Variants in RAB31 observed in about 807,000 individuals in gnomAD.
RAB31 encodes RAB31, member RAS oncogene family, also known as ras-related protein Rab-31.
In RAB31, 21 loss-of-function variants were observed where a neutral mutation model predicts 25.6. That is an observed-to-expected ratio of 0.82 (90% confidence interval 0.58 to 1.18). The LOEUF (loss-of-function observed/expected upper bound fraction) is 1.18, where lower values mean the gene tolerates loss of function less well. Among genes scored for constraint, RAB31 ranks in the 50% most tolerant of loss-of-function variants. The probability of loss-of-function intolerance (pLI) is 0.00; values close to 1 mark genes in which losing one functional copy is unlikely to be tolerated. For missense variants in RAB31, 196 were observed against 250.1 expected (o/e 0.78, Z 1.46); for synonymous variants, 87 against 84.0 (o/e 1.04, Z -0.20).
rs1467734741 is a variant in RAB31, at chr18:9,809,257, A to T, written c.202-4763A>T. Among the ~76,000 whole-genome samples the T allele has an allele frequency of 2.0e-5, 3 of 152,230 alleles. No individual in the cohort carries two copies. In the East Asian group the frequency reaches 5.8e-4, roughly 29 times the overall value. On this transcript the variant is annotated intron_variant, in intron 3 of 6. Transcript: ENST00000578921. ...CACTGCACCAGTTTCACAAAATAAG[A>T]AAAGTAGGATAGAGCCAAGCCAAGC... is the stretch of plus-strand genomic sequence containing the variant.
intron 3 of RAB31, among the ~76,000 whole-genome samples, chr18:9,808,719 G>A (rs1302636938): frequency 5.9e-5 from 9 of 152,212 alleles, no homozygotes; most frequent in African/African-American, 1.4e-4. Flanking sequence ...CGCCCAGGCC[G>A]AGCCTGAGCG....
At chr18:9,710,687 T>C (rs1156361127) in intron 1 of RAB31, among the ~76,000 whole-genome samples, 1 of 152,048 alleles carries the variant, frequency 6.6e-6, no homozygotes, top group Non-Finnish European at 1.5e-5. Context: ...ACCCCGTCTC[T>C]ATTAAAAATA....
chr18:9,727,684 C>G (rs1372540551), intron 1 of RAB31, among the ~76,000 whole-genome samples: 1 of 152,172 alleles, frequency 6.6e-6, no homozygotes, highest in Non-Finnish European at 1.5e-5. Flanking sequence ...AAACAGTTCT[C>G]TCAAATATTA....
At chr18:9,838,110 A>G (rs2068714308) in intron 5 of RAB31, among the ~76,000 whole-genome samples, 1 of 152,210 alleles carries the variant, frequency 6.6e-6, no homozygotes, top group Non-Finnish European at 1.5e-5. Flanking sequence ...GCACTTTATA[A>G]TATCAACCTC....
At chr18:9,840,101 G>C (rs1053126546) in intron 5 of RAB31, among the ~76,000 whole-genome samples, 1 of 152,194 alleles carries the variant, frequency 6.6e-6, no homozygotes, top group African/African-American at 2.4e-5. Flanking sequence ...TGCTGACATT[G>C]ATGGGCCACG....
chr18:9,824,751 G>A (rs1187479058), intron 5 of RAB31, among the ~76,000 whole-genome samples: 1 of 152,192 alleles, frequency 6.6e-6, no homozygotes, highest in Admixed American at 6.5e-5. Flanking sequence ...GTACACTCAG[G>A]ATTTTTAGCT....
At chr18:9,733,338 A>G (rs2068132959) in intron 1 of RAB31, among the ~76,000 whole-genome samples, 1 of 152,132 alleles carries the variant, frequency 6.6e-6, no homozygotes. Flanking sequence ...GAACCATCCG[A>G]CGTGTGCAGA....
intron 1 of RAB31, among the ~76,000 whole-genome samples, chr18:9,711,192 T>C (rs1399301988): frequency 1.3e-5 from 2 of 152,022 alleles, no homozygotes; most frequent in Non-Finnish European, 2.9e-5. Context: ...CTCTCTCCTC[T>C]TTTTTGTTTT....
In RAB31 at chr18:9,849,356, G is replaced by A. The variant is rs543585840; in HGVS notation, c.490+3665G>A. ...TAATAAATGGAATGGTGCTGAATTC[G>A]GGGCTTTGAATTTGGATCTCCGTCC... On this transcript the variant is annotated intron_variant, in intron 6 of 6. Coordinates refer to ENST00000578921, the MANE Select transcript of RAB31 (RefSeq NM_006868.4). 2.6e-5 allele frequency among the ~76,000 whole-genome samples: 4 copies of A among 152,202 alleles called. No homozygotes were observed. In the East Asian group the frequency reaches 7.7e-4, roughly 29 times the overall value.
At chr18:9,721,614 T>TA (rs34653831) in intron 1 of RAB31, among the ~76,000 whole-genome samples, 623 of 143,496 alleles carry the variant, frequency 4.3e-3, no homozygotes, top group Non-Finnish European at 7.3e-3. Flanking sequence ...AGACTCCATC[T>TA]AAAAAAAAAA....
Position 9,728,087 on chromosome 18 carries a change from T to G in RAB31, c.39+19643T>G, listed in dbSNP as rs549618018. Among the ~76,000 whole-genome samples the G allele has an allele frequency of 4.5e-3, 687 of 152,346 alleles. 5 individuals carry two copies. Among genetic ancestry groups the G allele is most frequent in the African/African-American group, 0.015 (637 of 41,584 alleles). On this transcript the variant is annotated intron_variant, in intron 1 of 6. Transcript: ENST00000578921. ...CACCTTTCTCTACTAATGTCTTCTATTTCTTGTGTATTTTTTAAGCTATGG... is the reference window on the plus strand; with the variant it reads ...CACCTTTCTCTACTAATGTCTTCTAGTTCTTGTGTATTTTTTAAGCTATGG...
chr18:9,837,780 C>T (rs2284137), intron 5 of RAB31, among the ~76,000 whole-genome samples: 10,003 of 152,146 alleles, frequency 0.066, 409 homozygotes, highest in East Asian at 0.14. Context: ...CTTCAAAGTA[C>T]GATGCAGTTC....
chr18:9,822,063 C>A (rs1169358135), intron 5 of RAB31, among the ~76,000 whole-genome samples: 6 of 152,104 alleles, frequency 3.9e-5, no homozygotes, highest in African/African-American at 1.4e-4. Flanking sequence ...TGAAGGCTTA[C>A]CATATAGCTA....
intron 1 of RAB31, among the ~76,000 whole-genome samples, chr18:9,744,766 T>G (rs2068197068): frequency 6.6e-6 from 1 of 152,048 alleles, no homozygotes. Flanking sequence ...AAATTGGAAA[T>G]TACCTTGAGA....
rs74664799 is a variant in RAB31 at position 9,738,055 on chromosome 18, C to T, written c.39+29611C>T. On this transcript the variant is annotated intron_variant, in intron 1 of 6. Coordinates refer to ENST00000578921, the MANE Select transcript of RAB31 (RefSeq NM_006868.4). Reference sequence around the variant, plus strand: ...GGCCTTTAATGGGTGAGCGTGGATGCAGCAGCTGAAGGCCAAGTGCATCAT... The same window carrying T: ...GGCCTTTAATGGGTGAGCGTGGATGTAGCAGCTGAAGGCCAAGTGCATCAT... Among the ~76,000 whole-genome samples, 101 of 152,274 alleles carry T rather than the reference C, an allele frequency of 6.6e-4. No individual in the cohort carries two copies. In the East Asian group the frequency reaches 0.013, roughly 19 times the overall value.
chr18:9,775,488 G>A (rs2068367724), intron 2 of RAB31, 131 bp downstream of exon 2: 3 of 1,473,246 alleles, frequency 2.0e-6, no homozygotes, highest in African/African-American at 1.4e-5. Flanking sequence ...AATCCCAGCT[G>A]TAGACCGACA....
At chr18:9,709,030 C>T (rs755668487) in intron 1 of RAB31, among the ~76,000 whole-genome samples, 24 of 152,166 alleles carry the variant, frequency 1.6e-4, no homozygotes, top group Admixed American at 4.6e-4. Context: ...AGGGCGCGGC[C>T]GGGGTGGAAG....
rs531552323 is a variant in RAB31 at position 9,854,778 on chromosome 18, T to C, written c.491-4450T>C. On this transcript the variant is annotated intron_variant, in intron 6 of 6. Transcript: ENST00000578921. ...ATGTTCCATGATCGTGAGTCATTGC[T>C]GTGTTCCAGAGACCCCCTCTCTACA... 4.6e-5 allele frequency among the ~76,000 whole-genome samples: 7 copies of C among 152,358 alleles called. No homozygotes were observed. The South Asian group carries it at 1.4e-3, about 32-fold the overall frequency.
intron 1 of RAB31, among the ~76,000 whole-genome samples, chr18:9,724,615 C>G (rs967513671): frequency 6.6e-6 from 1 of 152,174 alleles, no homozygotes; most frequent in African/African-American, 2.4e-5. Flanking sequence ...CTGTGAATCT[C>G]GGCAACATCA....
Sources: gnomAD v4.1 joint callset for allele counts (sites outside exome capture counted in the v4.1 genomes callset) on GRCh38, gnomAD v4.1.1 for gene constraint, MANE v1.5 for transcripts, NCBI Gene and HGNC (gene_info 2026-07-23, HGNC 2026-07-21) for gene names.